Variants in SYCP2L observed in about 807,000 individuals in gnomAD.
SYCP2L encodes the protein synaptonemal complex protein 2 like.
SYCP2L carries 98 observed loss-of-function variants against 125.8 expected under a neutral mutation model. That is an observed-to-expected ratio of 0.78 (90% CI 0.66 to 0.92). SYCP2L has a LOEUF of 0.92. Among genes scored for constraint, SYCP2L ranks in the 40% least tolerant of loss-of-function variants. The pLI is 0.00. For missense variants in SYCP2L, 842 were observed against 936.4 expected (o/e 0.90, Z 1.32); for synonymous variants, 317 against 325.4 (o/e 0.97, Z 0.28).
At chr6:10,924,947 G>A (rs1207227150) in intron 15 of SYCP2L, among the ~76,000 whole-genome samples, 6 of 152,152 alleles carry the variant, frequency 3.9e-5, no homozygotes, top group Admixed American at 3.9e-4. Flanking sequence ...CTGGAGTCCT[G>A]AGGACACTGG....
At chr6:10,950,107 A>C (rs1397997479) in intron 23 of SYCP2L, among the ~76,000 whole-genome samples, 1 of 152,208 alleles carries the variant, frequency 6.6e-6, no homozygotes, top group South Asian at 2.1e-4. Context: ...ACCTTTGAGC[A>C]CTAACTTCAA....
At chr6:10,922,022 TTTTGTTTG>T (rs551180823) in intron 14 of SYCP2L, among the ~76,000 whole-genome samples, 28 of 152,074 alleles carry the variant, frequency 1.8e-4, no homozygotes, top group Non-Finnish European at 3.5e-4. Flanking sequence ...TTTTAATGTT[TTTTGTTTG>T]TTTGTTTGTT....
intron 12 of SYCP2L, among the ~76,000 whole-genome samples, chr6:10,911,894 CTTT>C (rs58800098): frequency 2.2e-3 from 111 of 50,026 alleles, no homozygotes; most frequent in Non-Finnish European, 3.2e-3. Context: ...GGAATAAAAG[CTTT>C]TTTTTTTTTT....
At chr6:10,887,158 G>A (rs1190564742) in intron 1 of SYCP2L, 23 bp downstream of exon 1, 2 of 1,614,002 alleles carry the variant, frequency 1.2e-6, no homozygotes, top group Non-Finnish European at 1.7e-6. Flanking sequence ...CGAAGGGCCC[G>A]GACCTTCTGT....
At chr6:10,916,187 T>G (rs1354291091) in intron 14 of SYCP2L, among the ~76,000 whole-genome samples, 1 of 152,252 alleles carries the variant, frequency 6.6e-6, no homozygotes, top group Non-Finnish European at 1.5e-5. Flanking sequence ...CATTTCTTAC[T>G]GAGTTTATTT....
chr6:10,907,104 G>C lies in SYCP2L; in HGVS notation c.677-438G>C, dbSNP rs554570658. ...CATGCCTACAATTCCGGCACTTTGG[G>C]AGGCCGAGGTGGGCAGATTGCTTGA... is the stretch of plus-strand genomic sequence containing the variant. On this transcript the variant is annotated intron_variant, in intron 9 of 29. Coordinates refer to ENST00000283141, the MANE Select transcript of SYCP2L (RefSeq NM_001040274.3). Among the ~76,000 whole-genome samples, 8 of 152,116 alleles carry C rather than the reference G, an allele frequency of 5.3e-5. No homozygotes were observed. The South Asian group carries it at 1.7e-3, about 32-fold the overall frequency.
At chr6:10,894,952 T>C (rs1442776779) in intron 4 of SYCP2L, among the ~76,000 whole-genome samples, 1 of 152,206 alleles carries the variant, frequency 6.6e-6, no homozygotes, top group African/African-American at 2.4e-5. Context: ...TGAGGCCAGA[T>C]TGGGCCAAGA....
chr6:10,922,302 A>G (rs755575080), intron 14 of SYCP2L, among the ~76,000 whole-genome samples: 11 of 152,088 alleles, frequency 7.2e-5, no homozygotes, highest in Non-Finnish European at 1.5e-4. Flanking sequence ...GAAACTGATG[A>G]TTGTCTAGTA....
intron 17 of SYCP2L, 64 bp downstream of exon 17, chr6:10,927,431 AAG>A (rs1780917114): frequency 4.3e-6 from 6 of 1,397,426 alleles, no homozygotes; most frequent in Admixed American, 4.0e-5. Context: ...CGGACTACAA[AAG>A]AGAGAAATTT....
chr6:10,926,046 G>A (rs796998410), intron 15 of SYCP2L, among the ~76,000 whole-genome samples: 15 of 152,234 alleles, frequency 9.9e-5, no homozygotes, highest in African/African-American at 2.6e-4. Flanking sequence ...GAGAAGCAGC[G>A]GTTAGACGTT....
intron 29 of SYCP2L, among the ~76,000 whole-genome samples, chr6:10,967,057 C>T (rs1359898417): frequency 6.6e-6 from 1 of 151,822 alleles, no homozygotes; most frequent in Non-Finnish European, 1.5e-5. Flanking sequence ...ATATTAGAAA[C>T]AGCAATATGT....
At chr6:10,906,135 G>A (rs1487303208) in intron 9 of SYCP2L, 81 bp downstream of exon 9, 6 of 774,222 alleles carry the variant, frequency 7.7e-6, no homozygotes, top group Non-Finnish European at 1.3e-5. Flanking sequence ...GGACTATGGG[G>A]AATAAATTAT....
intron 21 of SYCP2L, among the ~76,000 whole-genome samples, chr6:10,935,683 C>T (rs1039503244): frequency 2.6e-5 from 4 of 152,066 alleles, no homozygotes; most frequent in African/African-American, 7.2e-5. Context: ...TTAGTTGAGA[C>T]GGAGTTTCAC....
At chr6:10,906,129 T>C in intron 9 of SYCP2L, 75 bp downstream of exon 9, 1 of 807,620 alleles carries the variant, frequency 1.2e-6, no homozygotes, top group Non-Finnish European at 2.1e-6. Flanking sequence ...ATCTTGGGAC[T>C]ATGGGGAATA....
intron 24 of SYCP2L, 63 bp downstream of exon 24, chr6:10,955,280 G>A (rs771058813): frequency 2.0e-6 from 2 of 997,062 alleles, no homozygotes; most frequent in Non-Finnish European, 3.2e-6. Context: ...AGCACAGGAT[G>A]TAACAACATG....
Position 10,963,630 on chromosome 6 carries a change from T to C in SYCP2L, c.2415-152T>C, listed in dbSNP as rs1222416462. 5 of 692,532 alleles carry C rather than the reference T, an allele frequency of 7.2e-6. No individual in the cohort carries two copies. In the East Asian group the frequency reaches 1.5e-4, roughly 20 times the overall value. The allele number at this position is 692,532 out of a possible 1,614,324, so 42.9% of individuals were successfully genotyped here. On this transcript the variant is annotated intron_variant, in intron 28 of 29. Transcript: ENST00000283141. ...ATGGAATCAGATGAACATGTTAATC[T>C]CTTACGTTAATATCCTGGGGTGTTG... is the stretch of plus-strand genomic sequence containing the variant.
At chr6:10,891,613 CTGTG>C (rs3066124) in intron 2 of SYCP2L, 32 bp downstream of exon 2, 1,781 of 119,028 alleles carry the variant, frequency 0.015, 26 homozygotes, top group African/African-American at 0.053. Context: ...TAATCTCTCT[CTGTG>C]TGTGTGTGTG....
chr6:10,956,309 T>C, intron 25 of SYCP2L, 67 bp downstream of exon 25: 1 of 1,207,002 alleles, frequency 8.3e-7, no homozygotes, highest in Non-Finnish European at 1.2e-6. Flanking sequence ...CTAAGTGAAA[T>C]AAGCCAGACA....
intron 25 of SYCP2L, among the ~76,000 whole-genome samples, chr6:10,957,241 T>C (rs922065397): frequency 2.0e-5 from 3 of 152,250 alleles, no homozygotes; most frequent in African/African-American, 7.2e-5. Context: ...AATGCTGTTG[T>C]TGACCTTCAT....
Sources: allele counts gnomAD v4.1 joint callset (sites outside exome capture counted in the v4.1 genomes callset), GRCh38; gene constraint gnomAD v4.1.1; transcripts MANE v1.5; gene names NCBI Gene and HGNC (gene_info 2026-07-23, HGNC 2026-07-21).